ENPP6: variants seen among roughly 807,000 people sequenced by gnomAD.
ENPP6 encodes the protein ectonucleotide pyrophosphatase/phosphodiesterase 6.
ENPP6 carries 32 observed loss-of-function variants against 42.0 expected under a neutral mutation model. That is an observed-to-expected ratio of 0.76 (90% confidence interval 0.58 to 1.02). ENPP6 has a LOEUF of 1.02. Ranked by LOEUF, ENPP6 falls within the 50% of genes least tolerant of loss-of-function variation. The probability of loss-of-function intolerance (pLI) is 0.00; values close to 1 mark genes in which losing one functional copy is unlikely to be tolerated. For missense variants in ENPP6, 552 were observed against 566.8 expected (o/e 0.97, Z 0.27); for synonymous variants, 213 against 216.0 (o/e 0.99, Z 0.12).
chr4:184,153,999 A>T (rs1227689441), intron 1 of ENPP6, among the ~76,000 whole-genome samples: 2 of 152,068 alleles, frequency 1.3e-5, no homozygotes, highest in African/African-American at 4.8e-5. Flanking sequence ...TTTAAGTTAC[A>T]CTGAGGACAC....
Position 184,211,760 on chromosome 4 carries a change from C to G in ENPP6, c.241+5819G>C, listed in dbSNP as rs879808275. On this transcript the variant is annotated intron_variant, in intron 1 of 7. Coordinates refer to ENST00000296741, the MANE Select transcript of ENPP6 (RefSeq NM_153343.4). ...TTATGAGGCCAGCATCATTCTGATA[C>G]CAAAGCCAGGCAGAGACACAACAAA... is the stretch of plus-strand genomic sequence containing the variant. 4.2e-3 allele frequency among the ~76,000 whole-genome samples: 640 copies of G among 151,432 alleles called. 5 individuals carry two copies. Among genetic ancestry groups the G allele is most frequent in the Non-Finnish European group, 6.7e-3 (452 of 67,860 alleles).
intron 3 of ENPP6, among the ~76,000 whole-genome samples, chr4:184,120,965 C>T (rs1421064977): frequency 2.0e-5 from 3 of 152,196 alleles, no homozygotes; most frequent in African/African-American, 4.8e-5. Context: ...AGTCTGAGCC[C>T]TAAGCCGCTG....
intron 1 of ENPP6, among the ~76,000 whole-genome samples, chr4:184,209,426 C>A (rs371614290): frequency 6.6e-6 from 1 of 151,476 alleles, no homozygotes; most frequent in South Asian, 2.1e-4. Context: ...GGCTCGAGAA[C>A]TACGTGAAGA....
intron 1 of ENPP6, among the ~76,000 whole-genome samples, chr4:184,201,555 C>T (rs973911125): frequency 6.6e-6 from 1 of 152,168 alleles, no homozygotes; most frequent in Non-Finnish European, 1.5e-5. Flanking sequence ...TAACCACTCC[C>T]TTCTTCATGG....
chr4:184,124,325 G>C lies in ENPP6; in HGVS notation c.422-53C>G, dbSNP rs2111352061. ...TACTCTCTTCAATAAGTAATGTCGA[G>C]TTATGAGCCTATTTCAGGAAGCAAA... On this transcript the variant is annotated intron_variant, in intron 2 of 7. Coordinates refer to ENST00000296741, the MANE Select transcript of ENPP6 (RefSeq NM_153343.4). 3.7e-6 allele frequency: 5 copies of C among 1,341,932 alleles called. No individual in the cohort carries two copies. In the South Asian group the frequency reaches 5.0e-5, roughly 13 times the overall value. 83.1% of individuals were successfully genotyped at this position (1,341,932 alleles called of 1,614,324 possible).
chr4:184,131,759 G>A (rs1736638928), intron 2 of ENPP6, among the ~76,000 whole-genome samples: 2 of 150,784 alleles, frequency 1.3e-5, no homozygotes, highest in South Asian at 4.2e-4. Context: ...CAGTGTCTGT[G>A]ACTATCAAGA....
At chr4:184,122,866 G>C (rs987725503) in intron 3 of ENPP6, among the ~76,000 whole-genome samples, 1 of 152,182 alleles carries the variant, frequency 6.6e-6, no homozygotes, top group African/African-American at 2.4e-5. Flanking sequence ...GTTAGACATG[G>C]AGCAATGTCC....
chr4:184,210,693 A>G (rs1278819679), intron 1 of ENPP6, among the ~76,000 whole-genome samples: 1 of 145,002 alleles, frequency 6.9e-6, no homozygotes, highest in East Asian at 2.0e-4. Flanking sequence ...CAGAAAGTCA[A>G]CAAGGATACC....
intron 6 of ENPP6, among the ~76,000 whole-genome samples, chr4:184,109,866 G>T (rs1295446512): frequency 1.3e-5 from 2 of 149,886 alleles, no homozygotes; most frequent in African/African-American, 5.0e-5. Flanking sequence ...GTGTGTGTGT[G>T]ATTTGTCAAT....
At chr4:184,118,213 C>A (rs1560983522) in intron 3 of ENPP6, among the ~76,000 whole-genome samples, 1 of 152,204 alleles carries the variant, frequency 6.6e-6, no homozygotes, top group East Asian at 1.9e-4. Flanking sequence ...GGTACGTGCA[C>A]ATTTAGCATT....
At chr4:184,208,350 G>A (rs1449221494) in intron 1 of ENPP6, among the ~76,000 whole-genome samples, 1 of 152,188 alleles carries the variant, frequency 6.6e-6, no homozygotes, top group African/African-American at 2.4e-5. Context: ...ACTAGGGAGT[G>A]CCAGACAGTG....
intron 2 of ENPP6, among the ~76,000 whole-genome samples, chr4:184,152,186 G>A (rs1408943801): frequency 6.6e-6 from 1 of 152,130 alleles, no homozygotes; most frequent in Admixed American, 6.5e-5. Context: ...GCGCCACGCC[G>A]CACCACAGCT....
intron 2 of ENPP6, among the ~76,000 whole-genome samples, chr4:184,130,723 CAAG>C (rs201265517): frequency 1.3e-5 from 2 of 151,094 alleles, no homozygotes; most frequent in African/African-American, 4.9e-5. Flanking sequence ...TCCTAACTGA[CAAG>C]AGAGAGAGAG....
chr4:184,208,554 C>T (rs375224626), intron 1 of ENPP6, among the ~76,000 whole-genome samples: 3 of 152,136 alleles, frequency 2.0e-5, no homozygotes, highest in South Asian at 2.1e-4. Context: ...CGGCGGACCA[C>T]GAGATTATAA....
intron 3 of ENPP6, among the ~76,000 whole-genome samples, chr4:184,121,071 G>A (rs1274450281): frequency 6.6e-6 from 1 of 152,158 alleles, no homozygotes. Context: ...TTGTAAGGTG[G>A]GGAGAGCAAT....
At chr4:184,131,456 G>A (rs1362253780) in intron 2 of ENPP6, among the ~76,000 whole-genome samples, 2 of 150,412 alleles carry the variant, frequency 1.3e-5, no homozygotes, top group African/African-American at 2.5e-5. Flanking sequence ...GGGTTCAAGC[G>A]ATTCTCCTGC....
intron 1 of ENPP6, among the ~76,000 whole-genome samples, chr4:184,169,454 C>T (rs921353655): frequency 6.6e-6 from 1 of 152,202 alleles, no homozygotes; most frequent in Non-Finnish European, 1.5e-5. Context: ...TGGCTCCTGC[C>T]TCACCCCTGC....
chr4:184,163,759 T>C (rs1052997576), intron 1 of ENPP6, among the ~76,000 whole-genome samples: 3 of 152,230 alleles, frequency 2.0e-5, no homozygotes, highest in African/African-American at 7.2e-5. Flanking sequence ...CTGAGGCCTA[T>C]GTGTGTTTCC....
intron 2 of ENPP6, among the ~76,000 whole-genome samples, chr4:184,129,262 T>G (rs146581783): frequency 0.023 from 2,506 of 109,742 alleles, 40 homozygotes; most frequent in Non-Finnish European, 0.032. Flanking sequence ...AAAAATGCAC[T>G]GACGTAGTAC....
Sources: allele counts gnomAD v4.1 joint callset (sites outside exome capture counted in the v4.1 genomes callset), GRCh38; gene constraint gnomAD v4.1.1; transcripts MANE v1.5; gene names NCBI Gene and HGNC (gene_info 2026-07-23, HGNC 2026-07-21).